FAM78B: variants seen among roughly 807,000 people sequenced by gnomAD.
FAM78B encodes family with sequence similarity 78 member B.
FAM78B carries 10 observed loss-of-function variants against 20.0 expected under a neutral mutation model. The observed-to-expected ratio is 0.50, with a 90% CI of 0.31 to 0.85. FAM78B has a LOEUF of 0.85. Among genes scored for constraint, FAM78B ranks in the 40% least tolerant of loss-of-function variants. FAM78B has a pLI of 0.05. For missense variants in FAM78B, 283 were observed against 345.0 expected (o/e 0.82, Z 1.42); for synonymous variants, 135 against 132.8 (o/e 1.02, Z -0.12).
At position 166,126,297 on chromosome 1, in the gene FAM78B, G is replaced by A. The variant is rs534341066; in HGVS notation, c.263+39689C>T. Among the ~76,000 whole-genome samples the A allele has an allele frequency of 9.2e-5, 14 of 152,216 alleles. No individual in the cohort carries two copies. The South Asian group carries it at 2.1e-3, about 23-fold the overall frequency. On this transcript the variant is annotated intron_variant, in intron 1 of 1. Coordinates refer to ENST00000354422, the MANE Select transcript of FAM78B (RefSeq NM_001017961.5). ...ATGATTAAGTACCTGTAGATGCCAG[G>A]ATCTATATTGGACACTTGGGAAACA... is the stretch of plus-strand genomic sequence containing the variant.
intron 1 of FAM78B, among the ~76,000 whole-genome samples, chr1:166,121,505 C>T (rs947771120): frequency 3.3e-5 from 5 of 152,196 alleles, no homozygotes; most frequent in African/African-American, 1.2e-4. Flanking sequence ...GGTCTGTGTT[C>T]TTGGCCCTTC....
At chr1:166,156,446 T>G (rs114812286) in intron 1 of FAM78B, among the ~76,000 whole-genome samples, 1 of 152,060 alleles carries the variant, frequency 6.6e-6, no homozygotes, top group Non-Finnish European at 1.5e-5. Flanking sequence ...ATGGACTCAG[T>G]ATGGAGGGCA....
chr1:166,166,473 G>A lies in FAM78B; in HGVS notation c.-225C>T, dbSNP rs530812638. The A allele has an allele frequency of 1.8e-4, 34 of 189,164 alleles. No individual in the cohort carries two copies. Among genetic ancestry groups the A allele is most frequent in the Non-Finnish European group, 2.9e-4 (29 of 100,454 alleles). 11.7% of individuals were successfully genotyped at this position (189,164 alleles called of 1,614,324 possible). A position where few individuals can be genotyped will look rare whatever the true frequency, so the allele number is the denominator to read the frequency against. On this transcript the variant is annotated 5_prime_UTR_variant, in exon 1 of 2. An upstream open reading frame in the 5' UTR gains an earlier in-frame stop. Transcript: ENST00000354422. ...GACGTCCGCCCACGCCCGCCCCCTC[G>A]CTCCGGCAGGGCGCGCGGAGGGTGC...
rs112349834 is a variant in FAM78B, at chr1:166,077,532, C to T, written c.264-6769G>A. Among the ~76,000 whole-genome samples, 485 of 148,850 alleles carry T rather than the reference C, an allele frequency of 3.3e-3. 3 individuals carry two copies. Among genetic ancestry groups the T allele is most frequent in the Middle Eastern group, 7.0e-3 (2 of 284 alleles). Reference sequence around the variant, plus strand: ...TGAAGTGATGATGTAGGAGCAAATGCTTTGTAAACTACAGCACACAATGTC... The same window carrying T: ...TGAAGTGATGATGTAGGAGCAAATGTTTTGTAAACTACAGCACACAATGTC... On this transcript the variant is annotated intron_variant, in intron 1 of 1. Transcript: ENST00000354422.
intron 1 of FAM78B, among the ~76,000 whole-genome samples, chr1:166,144,398 G>C (rs1655386216): frequency 6.6e-6 from 1 of 152,194 alleles, no homozygotes; most frequent in Non-Finnish European, 1.5e-5. Context: ...GGAAATGAAA[G>C]AGACAGATTT....
intron 1 of FAM78B, among the ~76,000 whole-genome samples, chr1:166,082,426 G>C (rs1652618682): frequency 6.6e-6 from 1 of 152,156 alleles, no homozygotes; most frequent in South Asian, 2.1e-4. Flanking sequence ...GGCTGGTCTT[G>C]AACTCCTAGG....
At position 166,166,902 on chromosome 1, in the gene FAM78B, C is replaced by CGGCCCGGGGGGCGCCAGGAGGCTGT. The variant is rs1004094475; in HGVS notation, c.-679_-655dup. On this transcript the variant is annotated 5_prime_UTR_variant, in exon 1 of 2. It introduces an in-frame stop codon into an upstream open reading frame of the 5' UTR. Transcript: ENST00000354422. ...CCGACACTCCTCGGCCCGGCTGCCT[C>CGGCCCGGGGGGCGCCAGGAGGCTGT]GGCCCGGGGGGCGCCAGGAGGCTGT... 1.3e-5 allele frequency: 2 copies of CGGCCCGGGGGGCGCCAGGAGGCTGT among 151,968 alleles called. No individual in the cohort carries two copies. The highest frequency in any genetic ancestry group is 3.9e-4 in the East Asian group (2 of 5,146). The allele number at this position is 151,968 out of a possible 1,614,324, so 9.4% of individuals were successfully genotyped here. A position where few individuals can be genotyped will look rare whatever the true frequency, so the allele number is the denominator to read the frequency against.
intron 1 of FAM78B, among the ~76,000 whole-genome samples, chr1:166,091,369 C>T (rs1043486031): frequency 6.6e-6 from 1 of 152,036 alleles, no homozygotes; most frequent in Non-Finnish European, 1.5e-5. Context: ...GGGGGCAGGT[C>T]TTTCTCTTGC....
At chr1:166,083,799 C>CTTTT (rs33994343) in intron 1 of FAM78B, among the ~76,000 whole-genome samples, 3 of 92,338 alleles carry the variant, frequency 3.2e-5, no homozygotes, top group Admixed American at 1.2e-4. Flanking sequence ...ACGCACCCAG[C>CTTTT]TTTTTTTTTT....
At chr1:166,094,660 G>T (rs1443020326) in intron 1 of FAM78B, among the ~76,000 whole-genome samples, 1 of 152,232 alleles carries the variant, frequency 6.6e-6, no homozygotes, top group African/African-American at 2.4e-5. Flanking sequence ...TAATGTTTCT[G>T]CAGTGAATAT....
intron 1 of FAM78B, among the ~76,000 whole-genome samples, chr1:166,113,214 T>C: frequency 6.6e-6 from 1 of 152,228 alleles, no homozygotes; most frequent in East Asian, 1.9e-4. Flanking sequence ...GACCCTCCTT[T>C]GGTGGGTCCT....
chr1:166,139,753 T>C (rs1331008113), intron 1 of FAM78B, among the ~76,000 whole-genome samples: 1 of 152,214 alleles, frequency 6.6e-6, no homozygotes, highest in Non-Finnish European at 1.5e-5. Context: ...CTGTTCTTCC[T>C]GTGGACACGA....
chr1:166,073,646 T>G (rs1652145103), intron 1 of FAM78B, among the ~76,000 whole-genome samples: 1 of 152,072 alleles, frequency 6.6e-6, no homozygotes, highest in South Asian at 2.1e-4. Context: ...TCTGAAAAGT[T>G]CCAAGAACAG....
At position 166,070,278 on chromosome 1, in the gene FAM78B, T is replaced by C. The variant is rs772411086; in HGVS notation, c.749A>G (p.Lys250Arg). Residue 250 changes from lysine (K) to arginine (R), a missense_variant, in exon 2 of 2, where the codon AAG becomes AGG. Coordinates refer to ENST00000354422, the MANE Select transcript of FAM78B (RefSeq NM_001017961.5). ...NDAQVLMWRP[K>R]RGPPLVVIPP... Reference sequence around the variant, plus strand: ...GATCACAACCAGAGGTGGCCCCCGCTTGGGCCTCCACATGAGGACCTGGGC... The same window carrying C: ...GATCACAACCAGAGGTGGCCCCCGCCTGGGCCTCCACATGAGGACCTGGGC... 4.5e-6 allele frequency: 7 copies of C among 1,560,324 alleles called. No individual in the cohort carries two copies. Among genetic ancestry groups the C allele is most frequent in the South Asian group, 1.2e-5 (1 of 81,636 alleles).
At chr1:166,107,012 G>C (rs1442353135) in intron 1 of FAM78B, among the ~76,000 whole-genome samples, 1 of 151,976 alleles carries the variant, frequency 6.6e-6, no homozygotes, top group Non-Finnish European at 1.5e-5. Flanking sequence ...GTGCTAAGAG[G>C]AAAGTTCCTA....
chr1:166,137,672 T>C (rs951304092), intron 1 of FAM78B, among the ~76,000 whole-genome samples: 5 of 152,220 alleles, frequency 3.3e-5, no homozygotes, highest in Admixed American at 2.0e-4. Flanking sequence ...AATAAAATAT[T>C]AGAATTCCAG....
chr1:166,069,977 C>A lies in FAM78B; in HGVS notation c.*264G>T. The A allele has an allele frequency of 8.4e-7, 1 of 1,185,154 alleles. No homozygotes were observed. The highest frequency in any genetic ancestry group is 4.3e-5 in the Admixed American group (1 of 23,526). 73.4% of individuals were successfully genotyped at this position (1,185,154 alleles called of 1,614,324 possible). On this transcript the variant is annotated 3_prime_UTR_variant, in exon 2 of 2. Coordinates refer to ENST00000354422, the MANE Select transcript of FAM78B (RefSeq NM_001017961.5). Reference sequence around the variant, plus strand: ...CAGATAAAAGAATCATCCTGGTCAGCTCCAAAATATGGCTACTTGCATGGT... The same window carrying A: ...CAGATAAAAGAATCATCCTGGTCAGATCCAAAATATGGCTACTTGCATGGT...
At chr1:166,109,097 A>G (rs553759518) in intron 1 of FAM78B, among the ~76,000 whole-genome samples, 2 of 152,210 alleles carry the variant, frequency 1.3e-5, no homozygotes, top group Non-Finnish European at 2.9e-5. Flanking sequence ...ACATTGGCTT[A>G]GGCAAGGATT....
At chr1:166,116,827 C>T (rs1460591298) in intron 1 of FAM78B, among the ~76,000 whole-genome samples, 1 of 152,132 alleles carries the variant, frequency 6.6e-6, no homozygotes, top group Non-Finnish European at 1.5e-5. Context: ...ATCCCTTTGG[C>T]CTCAACAACT....
Sources: allele counts gnomAD v4.1 joint callset (sites outside exome capture counted in the v4.1 genomes callset), GRCh38; gene constraint gnomAD v4.1.1; transcripts MANE v1.5; gene names NCBI Gene and HGNC (gene_info 2026-07-23, HGNC 2026-07-21).